PDGFRL: variants seen among roughly 807,000 people sequenced by gnomAD.
The protein encoded by PDGFRL is platelet derived growth factor receptor like.
Under a neutral mutation model 37.2 loss-of-function variants are expected in PDGFRL, and 46 were observed. The ratio of observed to expected loss-of-function variants is 1.24; its 90% CI spans 0.98 to 1.58. The LOEUF (loss-of-function observed/expected upper bound fraction) is 1.58. Ranked by LOEUF, PDGFRL falls within the 40% of genes most tolerant of loss-of-function variation. PDGFRL has a pLI of 0.00. For synonymous variants in PDGFRL, 251 were observed against 184.3 expected (o/e 1.36, Z -2.93); for missense variants, 692 against 467.6 (o/e 1.48, Z -4.43).
rs145551791 is a variant in PDGFRL, at chr8:17,595,767, G to A, written c.353+6002G>A. Among the ~76,000 whole-genome samples, 1,041 of 152,328 alleles carry A rather than the reference G, an allele frequency of 6.8e-3. 15 individuals carry two copies. Among genetic ancestry groups the A allele is most frequent in the African/African-American group, 0.023 (953 of 41,590 alleles). On this transcript the variant is annotated intron_variant, in intron 2 of 5. Coordinates refer to ENST00000251630, the MANE Select transcript of PDGFRL (RefSeq NM_001372073.1). ...AGAGCTAAGGTTATGGGGCTGTTGAGGAGTTGGCGTCCACCTGGAGTCTGT... is the reference window on the plus strand; with the variant it reads ...AGAGCTAAGGTTATGGGGCTGTTGAAGAGTTGGCGTCCACCTGGAGTCTGT...
At chr8:17,607,731 G>T (rs765136273) in intron 2 of PDGFRL, among the ~76,000 whole-genome samples, 10 of 152,188 alleles carry the variant, frequency 6.6e-5, no homozygotes, top group Non-Finnish European at 1.3e-4. Flanking sequence ...GTAAACACTG[G>T]TGTGTTAGTA....
intron 2 of PDGFRL, among the ~76,000 whole-genome samples, chr8:17,598,723 T>G (rs779942777): frequency 1.3e-5 from 2 of 152,208 alleles, no homozygotes; most frequent in African/African-American, 4.8e-5. Context: ...TCTTGAATTA[T>G]AGCTCCTGTA....
intron 2 of PDGFRL, among the ~76,000 whole-genome samples, chr8:17,616,160 A>T (rs931841874): frequency 3.4e-5 from 5 of 145,510 alleles, no homozygotes; most frequent in African/African-American, 7.5e-5. Flanking sequence ...ATTTTATTTT[A>T]TTATTGTTAT....
At chr8:17,599,610 C>T (rs1804125092) in intron 2 of PDGFRL, among the ~76,000 whole-genome samples, 1 of 152,224 alleles carries the variant, frequency 6.6e-6, no homozygotes, top group Admixed American at 6.5e-5. Context: ...GTACAGCTCG[C>T]CACGTGGCCG....
intron 4 of PDGFRL, among the ~76,000 whole-genome samples, chr8:17,630,629 G>A (rs932175616): frequency 6.6e-6 from 1 of 152,040 alleles, no homozygotes; most frequent in African/African-American, 2.4e-5. Context: ...AGTTCCCTCC[G>A]CTCCCCTCCC....
At chr8:17,609,553 G>A (rs745935984) in intron 2 of PDGFRL, among the ~76,000 whole-genome samples, 2 of 137,138 alleles carry the variant, frequency 1.5e-5, no homozygotes, top group African/African-American at 2.7e-5. Context: ...CAGGAGAATC[G>A]CTTGAACCTG....
intron 4 of PDGFRL, among the ~76,000 whole-genome samples, 186 bp downstream of exon 4, chr8:17,628,966 G>A (rs555615900): frequency 2.7e-3 from 409 of 152,060 alleles, no homozygotes; most frequent in African/African-American, 9.4e-3. Flanking sequence ...GCCCAGGCTG[G>A]AATGCAGTGG....
At chr8:17,610,416 C>T (rs1009213628) in intron 2 of PDGFRL, among the ~76,000 whole-genome samples, 2 of 152,126 alleles carry the variant, frequency 1.3e-5, no homozygotes, top group African/African-American at 4.8e-5. Flanking sequence ...CTTACTGGAG[C>T]ATTTCAGATT....
At chr8:17,628,881 G>A (rs775611614) in intron 4 of PDGFRL, 101 bp downstream of exon 4, 11 of 745,590 alleles carry the variant, frequency 1.5e-5, no homozygotes, top group Admixed American at 5.2e-5. Context: ...CTCCATGAGT[G>A]CCTTTTGTTT....
chr8:17,616,169 ATTATTTATTTATTTAT>A (rs58323480), intron 2 of PDGFRL, among the ~76,000 whole-genome samples: 57 of 144,212 alleles, frequency 4.0e-4, no homozygotes, highest in African/African-American at 9.9e-4. Context: ...TATTATTGTT[ATTATTTATTTATTTAT>A]TTATTTATTT....
intron 2 of PDGFRL, among the ~76,000 whole-genome samples, chr8:17,594,145 T>C (rs1281500669): frequency 6.6e-6 from 1 of 152,088 alleles, no homozygotes; most frequent in African/African-American, 2.4e-5. Flanking sequence ...ACTGACGTAT[T>C]TCCCACAGCA....
chr8:17,642,063 T>G (rs1166214308), intron 5 of PDGFRL, among the ~76,000 whole-genome samples: 1 of 152,158 alleles, frequency 6.6e-6, no homozygotes, highest in Non-Finnish European at 1.5e-5. Context: ...TGTCATGTAG[T>G]ACATTATCTT....
chr8:17,589,698 T>C lies in PDGFRL; in HGVS notation c.286T>C (p.Cys96Arg), dbSNP rs1329850444. ...GGCGGGGCAAACTGTAGAGCTTCGA[T>C]GTAAAGGGAGTAGAATTGGGTGGAG... ...LLAGQTVELR[C>R]KGSRIGWSYP... The change falls in exon 2 of 6, where the codon TGT (cysteine) becomes CGT (arginine). Residue 96 changes from cysteine (C) to arginine (R), a missense_variant. Physicochemically the swap from Cys to Arg is radical, Grantham distance 180. Coordinates refer to ENST00000251630, the MANE Select transcript of PDGFRL (RefSeq NM_001372073.1). 11 of 1,613,504 alleles carry C rather than the reference T, an allele frequency of 6.8e-6. No individual in the cohort carries two copies. The highest frequency in any genetic ancestry group is 9.3e-6 in the Non-Finnish European group (11 of 1,179,584).
intron 5 of PDGFRL, among the ~76,000 whole-genome samples, chr8:17,634,419 A>C (rs1284216357): frequency 6.6e-6 from 1 of 151,704 alleles, no homozygotes; most frequent in Non-Finnish European, 1.5e-5. Context: ...TCTTTTAAGG[A>C]CAGGAAATAA....
At chr8:17,588,214 C>T (rs924011138) in intron 1 of PDGFRL, among the ~76,000 whole-genome samples, 1 of 152,106 alleles carries the variant, frequency 6.6e-6, no homozygotes, top group East Asian at 1.9e-4. Context: ...AATTCTAAAT[C>T]GTTGCTACAG....
intron 2 of PDGFRL, among the ~76,000 whole-genome samples, chr8:17,593,682 G>T (rs1473873782): frequency 6.6e-6 from 1 of 151,810 alleles, no homozygotes; most frequent in Non-Finnish European, 1.5e-5. Context: ...ATCACCGGAG[G>T]TCAGGAGTTC....
intron 2 of PDGFRL, among the ~76,000 whole-genome samples, chr8:17,614,688 C>G (rs1474087845): frequency 6.6e-6 from 1 of 152,342 alleles, no homozygotes; most frequent in African/African-American, 2.4e-5. Flanking sequence ...AAGTGATCAT[C>G]CCACCTCAGC....
In PDGFRL at chr8:17,634,066, G is replaced by C. The variant is rs765926023; in HGVS notation, c.800-8G>C. Reference sequence around the variant, plus strand: ...GTCTCACTCTGCCTGTTTCGTGCTTGCTTCCAGTTCCCAGTGGCCCTCCCT... The same window carrying C: ...GTCTCACTCTGCCTGTTTCGTGCTTCCTTCCAGTTCCCAGTGGCCCTCCCT... On this transcript the variant is annotated splice_polypyrimidine_tract_variant and splice_region_variant and intron_variant, in intron 4 of 5. Coordinates refer to ENST00000251630, the MANE Select transcript of PDGFRL (RefSeq NM_001372073.1). The C allele has an allele frequency of 1.2e-6, 2 of 1,613,950 alleles. No homozygotes were observed. Among genetic ancestry groups the C allele is most frequent in the South Asian group, 2.2e-5 (2 of 91,080 alleles).
intron 2 of PDGFRL, among the ~76,000 whole-genome samples, chr8:17,616,846 C>G (rs984751309): frequency 6.6e-6 from 1 of 152,180 alleles, no homozygotes; most frequent in African/African-American, 2.4e-5. Flanking sequence ...GAATCATTAT[C>G]TTGTAACCCA....
Sources: gnomAD v4.1 joint callset for allele counts (sites outside exome capture counted in the v4.1 genomes callset) on GRCh38, gnomAD v4.1.1 for gene constraint, MANE v1.5 for transcripts, NCBI Gene and HGNC (gene_info 2026-07-23, HGNC 2026-07-21) for gene names.